SNX3: variants seen among roughly 807,000 people sequenced by gnomAD.
The protein encoded by SNX3 is sorting nexin-3.
A neutral mutation model predicts 17.7 loss-of-function variants in SNX3; 5 were observed. That is an observed-to-expected ratio of 0.28 (90% CI 0.15 to 0.59). SNX3 has a LOEUF of 0.59. Ranked by LOEUF, SNX3 falls within the 20% of genes least tolerant of loss-of-function variation. The pLI is 0.88. For missense variants in SNX3, 132 were observed against 206.8 expected (o/e 0.64, Z 2.22); for synonymous variants, 91 against 76.5 (o/e 1.19, Z -0.99).
At chr6:108,215,071 C>A (rs1399306376) in intron 2 of SNX3, among the ~76,000 whole-genome samples, 1 of 152,206 alleles carries the variant, frequency 6.6e-6, no homozygotes, top group Non-Finnish European at 1.5e-5. Context: ...TGGTTTCAGC[C>A]GGGCGTGGTG....
chr6:108,218,012 A>C (rs1215118606), intron 2 of SNX3, among the ~76,000 whole-genome samples: 2 of 152,248 alleles, frequency 1.3e-5, no homozygotes, highest in African/African-American at 4.8e-5. Flanking sequence ...AATACGAGTA[A>C]AACTTTCACA....
At chr6:108,216,852 T>C (rs1243561738) in intron 2 of SNX3, among the ~76,000 whole-genome samples, 1 of 152,208 alleles carries the variant, frequency 6.6e-6, no homozygotes, top group African/African-American at 2.4e-5. Context: ...CTTCCTAGAT[T>C]TACTCTCCTC....
chr6:108,255,006 G>A (rs928114061), intron 1 of SNX3, among the ~76,000 whole-genome samples: 1 of 152,142 alleles, frequency 6.6e-6, no homozygotes, highest in Non-Finnish European at 1.5e-5. Context: ...TACTCTGCTT[G>A]GTTACCTCAA....
intron 1 of SNX3, among the ~76,000 whole-genome samples, chr6:108,247,238 A>ATT (rs1562437670): frequency 6.6e-6 from 1 of 152,196 alleles, no homozygotes; most frequent in East Asian, 1.9e-4. Context: ...CTGTGAGTCA[A>ATT]TTAAACTTCT....
intron 3 of SNX3, among the ~76,000 whole-genome samples, chr6:108,213,108 G>T (rs1774458147): frequency 6.6e-6 from 1 of 151,012 alleles, no homozygotes; most frequent in African/African-American, 2.4e-5. Flanking sequence ...GGCTGGCCTT[G>T]GAACTCCTGA....
At chr6:108,223,393 C>G (rs1351858486) in intron 1 of SNX3, among the ~76,000 whole-genome samples, 2 of 152,074 alleles carry the variant, frequency 1.3e-5, no homozygotes, top group Non-Finnish European at 2.9e-5. Flanking sequence ...CCGCCTCGGC[C>G]TCCCAAAGTG....
In SNX3 at chr6:108,260,967, C is replaced by G. The variant is rs948171192; in HGVS notation, c.-46G>C. The stretch of plus-strand genomic sequence containing the variant: ...CGCCGCGGGCTCCCTCCGCCCCCTC[C>G]GCGTTCAGCCGCCGCCGCCGCCGCT... On this transcript the variant is annotated 5_prime_UTR_variant, in exon 1 of 4. Coordinates refer to ENST00000230085, the MANE Select transcript of SNX3 (RefSeq NM_003795.6). The G allele has an allele frequency of 1.3e-5, 19 of 1,451,244 alleles. No homozygotes were observed. The African/African-American group carries it at 1.3e-4, about 10-fold the overall frequency. The allele number at this position is 1,451,244 out of a possible 1,614,324, so 89.9% of individuals were successfully genotyped here.
chr6:108,257,509 A>C (rs771902301), intron 1 of SNX3, among the ~76,000 whole-genome samples: 1 of 152,118 alleles, frequency 6.6e-6, no homozygotes, highest in South Asian at 2.1e-4. Flanking sequence ...CGAGACTCTT[A>C]TCTCAAGAAG....
intron 1 of SNX3, among the ~76,000 whole-genome samples, chr6:108,230,890 A>C (rs1358519532): frequency 6.6e-6 from 1 of 152,196 alleles, no homozygotes; most frequent in Non-Finnish European, 1.5e-5. Flanking sequence ...CCACACTCAA[A>C]ACATGCCTTT....
intron 3 of SNX3, among the ~76,000 whole-genome samples, chr6:108,213,084 C>T (rs62427117): frequency 0.052 from 7,830 of 151,328 alleles, 375 homozygotes; most frequent in Admixed American, 0.15. Flanking sequence ...GACAGGGTTT[C>T]GCCATGTTGG....
At chr6:108,239,428 G>A (rs531807094) in intron 1 of SNX3, among the ~76,000 whole-genome samples, 2 of 152,264 alleles carry the variant, frequency 1.3e-5, no homozygotes, top group East Asian at 3.9e-4. Context: ...TTCAAGACAA[G>A]CCTGGGCAAT....
At chr6:108,215,898 C>T (rs1003610057) in intron 2 of SNX3, among the ~76,000 whole-genome samples, 2 of 151,996 alleles carry the variant, frequency 1.3e-5, no homozygotes, top group Non-Finnish European at 2.9e-5. Flanking sequence ...CGCTGCACTC[C>T]AGCCTAGGTG....
chr6:108,215,560 T>C (rs1408904631), intron 2 of SNX3, among the ~76,000 whole-genome samples: 3 of 152,268 alleles, frequency 2.0e-5, no homozygotes, highest in South Asian at 4.1e-4. Context: ...TCTCGCACTA[T>C]AGGAAGATCC....
intron 1 of SNX3, among the ~76,000 whole-genome samples, chr6:108,259,978 T>C (rs1354055190): frequency 1.3e-5 from 2 of 152,272 alleles, no homozygotes; most frequent in African/African-American, 4.8e-5. Context: ...TCAATTAACA[T>C]CTTTCAAATC....
At chr6:108,228,603 G>A (rs1007976408) in intron 1 of SNX3, among the ~76,000 whole-genome samples, 1 of 152,106 alleles carries the variant, frequency 6.6e-6, no homozygotes, top group African/African-American at 2.4e-5. Context: ...AAGATAAGGT[G>A]TCAGGATGGC....
chr6:108,224,096 T>G (rs1774902161), intron 1 of SNX3, among the ~76,000 whole-genome samples: 1 of 152,106 alleles, frequency 6.6e-6, no homozygotes, highest in African/African-American at 2.4e-5. Context: ...AACCCTAACC[T>G]ATGTCTCAAT....
intron 1 of SNX3, among the ~76,000 whole-genome samples, chr6:108,245,154 C>G (rs1476680616): frequency 6.6e-6 from 1 of 152,034 alleles, no homozygotes; most frequent in African/African-American, 2.4e-5. Context: ...TGTTCCCCTC[C>G]CTGTGTCCAT....
intron 1 of SNX3, among the ~76,000 whole-genome samples, chr6:108,230,257 CTA>C (rs1775102059): frequency 6.6e-6 from 1 of 151,996 alleles, no homozygotes. Flanking sequence ...TTCTCTCACT[CTA>C]ATATTCATAT....
chr6:108,245,626 T>A (rs560359291), intron 1 of SNX3, among the ~76,000 whole-genome samples: 66 of 152,356 alleles, frequency 4.3e-4, no homozygotes, highest in African/African-American at 1.6e-3. Context: ...TGTTGTTTCC[T>A]GACTTTTTAA....
Sources: gnomAD v4.1 joint callset for allele counts (sites outside exome capture counted in the v4.1 genomes callset) on GRCh38, gnomAD v4.1.1 for gene constraint, MANE v1.5 for transcripts, NCBI Gene and HGNC (gene_info 2026-07-23, HGNC 2026-07-21) for gene names.